The following EFCAB6 variants were observed in gnomAD, a reference collection of about 807,000 sequenced individuals.
EFCAB6 encodes EF-hand calcium-binding domain-containing protein 6.
In EFCAB6, 156 loss-of-function variants were observed where a neutral mutation model predicts 169.8. The observed-to-expected ratio is 0.92, with a 90% CI of 0.81 to 1.05. The LOEUF is 1.05. Ranked by LOEUF, EFCAB6 falls within the 50% of genes least tolerant of loss-of-function variation. EFCAB6 has a pLI of 0.00. For synonymous variants in EFCAB6, 698 were observed against 676.4 expected, an observed-to-expected ratio of 1.03 and a Z score of -0.50; for missense variants, 1,800 against 1,829.1, an observed-to-expected ratio of 0.98 and a Z score of 0.29.
chr22:43,721,555 A>C (rs1368443833), intron 8 of EFCAB6, among the ~76,000 whole-genome samples: 2 of 152,172 alleles, frequency 1.3e-5, no homozygotes, highest in Non-Finnish European at 2.9e-5. Context: ...ACACATAGGC[A>C]AATGGAACAG....
rs2050659372 is a variant in EFCAB6, at chr22:43,580,617, G to A, written c.3075C>T (p.Asp1025=). ...TGCTGTTCTCCACTGCTCTCAGGAAGTCGAGGTAATTGATAGCATTATCAT... is the reference window on the plus strand; with the variant it reads ...TGCTGTTCTCCACTGCTCTCAGGAAATCGAGGTAATTGATAGCATTATCAT... ...SRHDNAINYL[D]FLRAVENSKS... Residue 1025 remains aspartate, a synonymous_variant, in exon 25 of 32, where the codon GAC becomes GAT. Coordinates refer to ENST00000262726, the MANE Select transcript of EFCAB6 (RefSeq NM_022785.4). 1.2e-6 allele frequency: 2 copies of A among 1,614,078 alleles called. No homozygotes were observed. Among genetic ancestry groups the A allele is most frequent in the Non-Finnish European group, 1.7e-6 (2 of 1,180,038 alleles).
At chr22:43,786,150 G>A (rs998488231) in intron 2 of EFCAB6, among the ~76,000 whole-genome samples, 3 of 151,330 alleles carry the variant, frequency 2.0e-5, no homozygotes, top group South Asian at 2.1e-4. Context: ...ATCACCTGAC[G>A]TCAAGAGTTT....
At chr22:43,786,943 C>T (rs2062099883) in intron 2 of EFCAB6, among the ~76,000 whole-genome samples, 4 of 151,654 alleles carry the variant, frequency 2.6e-5, no homozygotes, top group Admixed American at 2.0e-4. Context: ...TATTATTAAT[C>T]AAGGAAAAAA....
At chr22:43,781,178 A>G (rs890192915) in intron 3 of EFCAB6, among the ~76,000 whole-genome samples, 7 of 152,264 alleles carry the variant, frequency 4.6e-5, no homozygotes, top group Non-Finnish European at 1.0e-4. Context: ...TTTTTGGAAA[A>G]TAATAACGTC....
intron 17 of EFCAB6, among the ~76,000 whole-genome samples, chr22:43,650,467 C>T (rs2056413428): frequency 6.6e-6 from 1 of 152,194 alleles, no homozygotes; most frequent in Non-Finnish European, 1.5e-5. Flanking sequence ...ACTCTAAGTC[C>T]AGTTAAACTT....
chr22:43,603,048 T>C (rs1271612457), intron 22 of EFCAB6, among the ~76,000 whole-genome samples: 1 of 152,116 alleles, frequency 6.6e-6, no homozygotes. Context: ...TATCCATTCA[T>C]GGCTGTTGGG....
At chr22:43,531,059 G>T in intron 30 of EFCAB6, 95 bp from the exon 31 acceptor site, 1 of 1,536,362 alleles carries the variant, frequency 6.5e-7, no homozygotes, top group Non-Finnish European at 8.9e-7. Context: ...GCCCAGCCCT[G>T]CTCCGGCTTC....
intron 25 of EFCAB6, 25 bp downstream of exon 25, chr22:43,580,439 G>T: frequency 6.2e-7 from 1 of 1,611,086 alleles, no homozygotes; most frequent in East Asian, 2.2e-5. Flanking sequence ...AGTTTTCACA[G>T]TAAAGCACTT....
At chr22:43,782,366 C>T (rs764661928) in intron 2 of EFCAB6, 41 bp from the exon 3 acceptor site, 9 of 1,584,452 alleles carry the variant, frequency 5.7e-6, no homozygotes, top group Non-Finnish European at 7.7e-6. Context: ...CCTTAAAGAG[C>T]ATACATTCCA....
intron 8 of EFCAB6, among the ~76,000 whole-genome samples, chr22:43,721,312 G>C (rs1186271851): frequency 6.6e-6 from 1 of 152,154 alleles, no homozygotes; most frequent in Non-Finnish European, 1.5e-5. Context: ...CCAAAGCAAT[G>C]AACAGATTCC....
intron 27 of EFCAB6, chr22:43,551,894 C>A (rs1378285033): frequency 7.0e-6 from 1 of 142,974 alleles, no homozygotes; most frequent in East Asian, 2.1e-4. Flanking sequence ...GTGGTGTGAT[C>A]TCGGCTCACT....
intron 30 of EFCAB6, chr22:43,531,903 A>AG (rs1246478079): frequency 6.6e-6 from 1 of 151,994 alleles, no homozygotes; most frequent in Non-Finnish European, 1.5e-5. Context: ...CCTTCCCCCG[A>AG]GGACATCTTT....
chr22:43,560,255 TA>T (rs1275916914), intron 26 of EFCAB6, among the ~76,000 whole-genome samples: 1 of 152,198 alleles, frequency 6.6e-6, no homozygotes, highest in Admixed American at 6.5e-5. Flanking sequence ...ACATTGATAT[TA>T]AAAAATAACA....
chr22:43,731,892 T>TCC, intron 7 of EFCAB6, 81 bp from the exon 8 acceptor site: 1 of 711,088 alleles, frequency 1.4e-6, no homozygotes, highest in Admixed American at 3.7e-5. Context: ...TCCTTTACAC[T>TCC]CGGGCTGGCA....
chr22:43,600,083 CTTCTCTG>C lies in EFCAB6; in HGVS notation c.2855_2861del (p.Thr952ArgfsTer52). ...TCCTCACTCACCTGGCTGCCACAGC[CTTCTCTG>C]TGCTCTGCTGCAGCTCCTTCATCTC... On this transcript the variant is annotated frameshift_variant, in exon 23 of 32. Coordinates refer to ENST00000262726, the MANE Select transcript of EFCAB6 (RefSeq NM_022785.4). LOFTEE classifies it high-confidence loss of function. 3 of 1,613,816 alleles carry C rather than the reference CTTCTCTG, an allele frequency of 1.9e-6. No individual in the cohort carries two copies. Among genetic ancestry groups the C allele is most frequent in the Non-Finnish European group, 2.5e-6 (3 of 1,179,914 alleles).
chr22:43,704,576 T>C (rs545713366), intron 10 of EFCAB6, among the ~76,000 whole-genome samples: 2 of 152,132 alleles, frequency 1.3e-5, no homozygotes, highest in Non-Finnish European at 2.9e-5. Context: ...TTAGAATAAA[T>C]TGTCAAGAAA....
At position 43,542,391 on chromosome 22, in the gene EFCAB6, C is replaced by T. The variant is rs556384897; in HGVS notation, c.3649-2034G>A. On this transcript the variant is annotated intron_variant, in intron 27 of 31. Coordinates refer to ENST00000262726, the MANE Select transcript of EFCAB6 (RefSeq NM_022785.4). ...GGTCAGGCGTTTGAGACCAGCCTGG[C>T]CAACATGGTGAAACCCCATCTCTAC... Among the ~76,000 whole-genome samples, 4 of 152,268 alleles carry T rather than the reference C, an allele frequency of 2.6e-5. No individual in the cohort carries two copies. The South Asian group carries it at 8.3e-4, about 32-fold the overall frequency.
intron 6 of EFCAB6, among the ~76,000 whole-genome samples, chr22:43,747,563 A>G (rs2060609687): frequency 6.6e-6 from 1 of 152,202 alleles, no homozygotes; most frequent in African/African-American, 2.4e-5. Context: ...GAAGACTGTT[A>G]GCTCACTCAG....
chr22:43,786,112 C>T (rs948231003), intron 2 of EFCAB6, among the ~76,000 whole-genome samples: 8 of 152,188 alleles, frequency 5.3e-5, no homozygotes, highest in African/African-American at 1.9e-4. Context: ...CCTGTAATCC[C>T]AGCACTTTGG....
Sources: gnomAD v4.1 joint callset for allele counts (sites outside exome capture counted in the v4.1 genomes callset) on GRCh38, gnomAD v4.1.1 for gene constraint, MANE v1.5 for transcripts, NCBI Gene and HGNC (gene_info 2026-07-23, HGNC 2026-07-21) for gene names.